The following NAF1 variants were observed in gnomAD, a reference collection of about 807,000 sequenced individuals.
The protein encoded by NAF1 is nuclear assembly factor 1 ribonucleoprotein, also known as H/ACA ribonucleoprotein complex non-core subunit NAF1.
NAF1 carries 11 observed loss-of-function variants against 40.6 expected under a neutral mutation model. That is an observed-to-expected ratio of 0.27 (90% CI 0.17 to 0.45). The LOEUF (loss-of-function observed/expected upper bound fraction) is 0.45, where lower values mean the gene tolerates loss of function less well. NAF1 is among the 20% of genes least tolerant of loss of function. The pLI, the probability that NAF1 is intolerant of heterozygous loss-of-function variation, is 1.00. For missense variants in NAF1, 607 were observed against 611.1 expected, an observed-to-expected ratio of 0.99 and a Z score of 0.07; for synonymous variants, 260 against 228.5, an observed-to-expected ratio of 1.14 and a Z score of -1.24.
At chr4:163,165,924 A>T (rs1233060752) in intron 1 of NAF1, among the ~76,000 whole-genome samples, 2 of 152,170 alleles carry the variant, frequency 1.3e-5, no homozygotes, top group African/African-American at 4.8e-5. Flanking sequence ...CACAAAAAAT[A>T]ATACTTTTCC....
chr4:163,157,849 C>T (rs191500587), intron 2 of NAF1, among the ~76,000 whole-genome samples: 1 of 152,048 alleles, frequency 6.6e-6, no homozygotes, highest in East Asian at 1.9e-4. Flanking sequence ...AAATGGGTGC[C>T]TAAAACTTTC....
chr4:163,124,779 C>T (rs1730607788), downstream of NAF1, among the ~76,000 whole-genome samples: 1 of 152,126 alleles, frequency 6.6e-6, no homozygotes, highest in Non-Finnish European at 1.5e-5. Flanking sequence ...AGTAAACATC[C>T]AGTCAGATAA....
At chr4:163,144,408 CGT>C (rs950143659) in intron 4 of NAF1, among the ~76,000 whole-genome samples, 5 of 152,116 alleles carry the variant, frequency 3.3e-5, no homozygotes, top group Non-Finnish European at 7.4e-5. Flanking sequence ...TGATTACTAT[CGT>C]GTTACTGAAG....
chr4:163,131,024 C>T (rs903694877), intron 7 of NAF1, among the ~76,000 whole-genome samples: 4 of 152,142 alleles, frequency 2.6e-5, no homozygotes, highest in Non-Finnish European at 5.9e-5. Flanking sequence ...AGGAATGCGC[C>T]ACCATGCCCA....
intron 2 of NAF1, among the ~76,000 whole-genome samples, chr4:163,162,010 C>A (rs1732245245): frequency 6.6e-6 from 1 of 152,030 alleles, no homozygotes; most frequent in Admixed American, 6.6e-5. Flanking sequence ...CTCCTACACA[C>A]TCGCCTACAC....
intron 2 of NAF1, among the ~76,000 whole-genome samples, chr4:163,154,778 G>GTCT (rs1731901582): frequency 6.6e-6 from 1 of 152,168 alleles, no homozygotes; most frequent in Non-Finnish European, 1.5e-5. Context: ...GGCTGAGGCA[G>GTCT]GAGAATCACT....
At chr4:163,123,953 G>A (rs1730582835), downstream of NAF1, among the ~76,000 whole-genome samples, 1 of 152,184 alleles carries the variant, frequency 6.6e-6, no homozygotes, top group South Asian at 2.1e-4. Context: ...ATTAAGGTGA[G>A]GATAATGACA....
At chr4:163,154,089 G>T (rs1258053513) in intron 2 of NAF1, among the ~76,000 whole-genome samples, 2 of 151,564 alleles carry the variant, frequency 1.3e-5, no homozygotes, top group East Asian at 1.9e-4. Context: ...AAGAAACTCC[G>T]AACACATCTG....
At chr4:163,118,112 C>G (rs141278984) in intron 2 of NAF1, among the ~76,000 whole-genome samples, 1,527 of 151,950 alleles carry the variant, frequency 0.01, 11 homozygotes, top group Middle Eastern at 0.017. Flanking sequence ...GAAATACTTT[C>G]AAGTCATTAA....
chr4:163,137,681 G>C (rs1266021245), intron 5 of NAF1, among the ~76,000 whole-genome samples: 2 of 152,080 alleles, frequency 1.3e-5, no homozygotes, highest in African/African-American at 4.8e-5. Flanking sequence ...TTTAATGGCA[G>C]AGATATCAAT....
At chr4:163,121,189 C>A (rs1157617943) in intron 2 of NAF1, among the ~76,000 whole-genome samples, 1 of 152,142 alleles carries the variant, frequency 6.6e-6, no homozygotes, top group Non-Finnish European at 1.5e-5. Flanking sequence ...CCCCGCCCAG[C>A]CTGATAGGTA....
downstream of NAF1, among the ~76,000 whole-genome samples, chr4:163,124,253 G>T (rs1730591246): frequency 6.6e-6 from 1 of 152,168 alleles, no homozygotes; most frequent in Non-Finnish European, 1.5e-5. Context: ...GCATTAGCAG[G>T]TTTAGTGTCC....
intron 6 of NAF1, among the ~76,000 whole-genome samples, chr4:163,134,094 T>C (rs1231308654): frequency 3.3e-5 from 5 of 152,206 alleles, no homozygotes; most frequent in South Asian, 4.1e-4. Flanking sequence ...TTCATTGTTA[T>C]AGTCCACCAA....
chr4:163,150,870 T>A (rs1038560904), intron 2 of NAF1, among the ~76,000 whole-genome samples: 8 of 152,118 alleles, frequency 5.3e-5, no homozygotes, highest in Admixed American at 2.6e-4. Context: ...TCACGTCAAT[T>A]CACATTTCCA....
rs775746201 is a variant in NAF1, at chr4:163,140,271, G to A, written c.830C>T (p.Pro277Leu). 1.2e-6 allele frequency: 2 copies of A among 1,606,170 alleles called. No homozygotes were observed. Among genetic ancestry groups the A allele is most frequent in the Non-Finnish European group, 1.7e-6 (2 of 1,176,916 alleles). ...IKIKETMYFAPSMKDFTQYIF... is the reference protein window; with the variant it reads ...IKIKETMYFALSMKDFTQYIF... Reference sequence around the variant, plus strand: ...ATATTGAGTGAAATCTTTCATTGATGGAGCAAAATACATAGTCTCCTTTAT... The same window carrying A: ...ATATTGAGTGAAATCTTTCATTGATAGAGCAAAATACATAGTCTCCTTTAT... The change falls in exon 5 of 8, where the codon CCA becomes CTA. Residue 277 changes from proline (P) to leucine (L), a missense_variant. Coordinates refer to ENST00000274054, the MANE Select transcript of NAF1 (RefSeq NM_138386.3).
At chr4:163,149,286 T>C (rs956038530) in intron 2 of NAF1, among the ~76,000 whole-genome samples, 3 of 152,172 alleles carry the variant, frequency 2.0e-5, no homozygotes, top group Non-Finnish European at 2.9e-5. Context: ...GCAAAGACCC[T>C]ACCAATGGCA....
intron 1 of NAF1, 123 bp downstream of exon 1, chr4:163,166,240 G>T: frequency 8.1e-7 from 1 of 1,239,826 alleles, no homozygotes; most frequent in Non-Finnish European, 1.1e-6. Context: ...TGAGCCCGGA[G>T]CACCAACGAC....
chr4:163,139,784 G>A (rs1430664520), intron 5 of NAF1, among the ~76,000 whole-genome samples: 1 of 151,966 alleles, frequency 6.6e-6, no homozygotes, highest in African/African-American at 2.4e-5. Flanking sequence ...GCAAAATAAA[G>A]AGATAACACT....
Position 163,148,361 on chromosome 4 carries a change from G to A in NAF1, c.614C>T (p.Ser205Leu). 3 of 1,567,288 alleles carry A rather than the reference G, an allele frequency of 1.9e-6. No individual in the cohort carries two copies. The highest frequency in any genetic ancestry group is 2.8e-5 in the African/African-American group (2 of 72,448). The change falls in exon 3 of 8, where the codon TCA becomes TTA. Residue 205 changes from serine (S) to leucine (L), a missense_variant. Around this residue, in one of 3 missense-constraint regions of NAF1, gnomAD observed 407 missense variants for 365.5 expected, o/e 1.11. Coordinates refer to ENST00000274054, the MANE Select transcript of NAF1 (RefSeq NM_138386.3). The part of the protein sequence containing the change: ...DIELKPLGMV[S>L]SIIEQLVIIE... ...CATACCTAGTTGTTCAATAATACTT[G>A]AAACCATCCCAAGAGGCTTTAACTC...
Sources: gnomAD v4.1 joint callset for allele counts (sites outside exome capture counted in the v4.1 genomes callset) on GRCh38, gnomAD v4.1.1 for gene constraint, gnomAD v4.1.1 regional missense constraint, MANE v1.5 for transcripts, NCBI Gene and HGNC (gene_info 2026-07-23, HGNC 2026-07-21) for gene names.